COL27A1: variants seen among roughly 807,000 people sequenced by gnomAD.
COL27A1 encodes collagen alpha-1(XXVII) chain.
COL27A1 carries 106 observed loss-of-function variants against 251.3 expected under a neutral mutation model. The observed-to-expected ratio is 0.42, with a 90% confidence interval of 0.36 to 0.50. The LOEUF is 0.50. Among genes scored for constraint, COL27A1 ranks in the 20% least tolerant of loss-of-function variants. COL27A1 has a pLI of 0.00. For missense variants in COL27A1, 2,325 were observed against 2,522.8 expected (o/e 0.92, Z 1.68); for synonymous variants, 1,000 against 986.3 (o/e 1.01, Z -0.26).
At chr9:114,171,904 A>G (rs1312457500) in intron 3 of COL27A1, among the ~76,000 whole-genome samples, 1 of 152,172 alleles carries the variant, frequency 6.6e-6, no homozygotes, top group East Asian at 1.9e-4. Flanking sequence ...ATGATCCAAG[A>G]GGGGTTGGAA....
chr9:114,185,763 C>T (rs964231698), intron 5 of COL27A1, among the ~76,000 whole-genome samples: 13 of 152,248 alleles, frequency 8.5e-5, no homozygotes, highest in East Asian at 7.7e-4. Context: ...GCACCCACTA[C>T]GGGCTGTTGA....
At position 114,167,966 on chromosome 9, in the gene COL27A1, C is replaced by T; in HGVS notation, c.411C>T (p.Val137=). The T allele has an allele frequency of 6.2e-7, 1 of 1,607,066 alleles. No homozygotes were observed. The highest frequency in any genetic ancestry group is 8.5e-7 in the Non-Finnish European group (1 of 1,179,860). ...AGTTCCTCCCCGGCAAGACGGTCGT[C>T]CACCTCGGGTCCCGGCGCTCAGTGG... ...GLQFLPGKTV[V]HLGSRRSVAF... The change falls in exon 3 of 61, where the codon GTC becomes GTT. Residue 137 remains valine (V), a synonymous_variant. Coordinates refer to ENST00000356083, the MANE Select transcript of COL27A1 (RefSeq NM_032888.4).
chr9:114,309,100 G>A (rs1829263826), intron 59 of COL27A1, among the ~76,000 whole-genome samples, 160 bp from the exon 60 acceptor site: 1 of 152,146 alleles, frequency 6.6e-6, no homozygotes, highest in Non-Finnish European at 1.5e-5. Flanking sequence ...GCAGACCTCA[G>A]TTTCCCCGTC....
rs371824697 is a variant in COL27A1, at chr9:114,269,817, G to T, written c.3555+523G>T. On this transcript the variant is annotated intron_variant, in intron 35 of 60. Transcript: ENST00000356083. ...GGTTGATAAGTGATACCTGCCATGGGTACAAGAGGAGCATGGACCACCCAA... is the reference window on the plus strand; with the variant it reads ...GGTTGATAAGTGATACCTGCCATGGTTACAAGAGGAGCATGGACCACCCAA... Among the ~76,000 whole-genome samples the T allele has an allele frequency of 1.5e-4, 23 of 152,168 alleles. No individual in the cohort carries two copies. In the South Asian group the frequency reaches 3.1e-3, roughly 21 times the overall value.
intron 52 of COL27A1, 61 bp downstream of exon 52, chr9:114,301,186 G>C: frequency 6.2e-7 from 1 of 1,611,574 alleles, no homozygotes; most frequent in Non-Finnish European, 8.5e-7. Context: ...GCTCCAGATT[G>C]TCTCTGTGAC....
chr9:114,236,888 C>A, intron 17 of COL27A1, 93 bp from the exon 18 acceptor site: 1 of 1,213,266 alleles, frequency 8.2e-7, no homozygotes, highest in Non-Finnish European at 1.2e-6. Flanking sequence ...GGCGGGCGTT[C>A]TCTGGGCCTG....
At chr9:114,277,022 T>G (rs1230270195) in intron 37 of COL27A1, among the ~76,000 whole-genome samples, 1 of 152,178 alleles carries the variant, frequency 6.6e-6, no homozygotes, top group Non-Finnish European at 1.5e-5. Flanking sequence ...CCTGCATGAC[T>G]CTACGCATAC....
intron 12 of COL27A1, among the ~76,000 whole-genome samples, chr9:114,218,984 A>T (rs952337625): frequency 6.6e-6 from 1 of 152,214 alleles, no homozygotes; most frequent in Middle Eastern, 3.4e-3. Context: ...TTTCCCTGGA[A>T]AAACAATGAT....
intron 10 of COL27A1, among the ~76,000 whole-genome samples, chr9:114,208,650 G>C (rs1830140655): frequency 6.6e-6 from 1 of 152,020 alleles, no homozygotes; most frequent in South Asian, 2.1e-4. Context: ...AGAAGCCCCG[G>C]GCGAGGTTAC....
chr9:114,182,549 C>T (rs1437432007), intron 4 of COL27A1, among the ~76,000 whole-genome samples: 2 of 151,822 alleles, frequency 1.3e-5, no homozygotes, highest in Non-Finnish European at 2.9e-5. Flanking sequence ...GAGAAAGTAC[C>T]AGATACGTGG....
intron 4 of COL27A1, among the ~76,000 whole-genome samples, chr9:114,181,700 C>T (rs1321011816): frequency 6.6e-6 from 1 of 152,178 alleles, no homozygotes; most frequent in South Asian, 2.1e-4. Flanking sequence ...GGCCAGGGCC[C>T]TTGCTGGAGA....
chr9:114,266,688 C>A, intron 33 of COL27A1, 70 bp downstream of exon 33: 1 of 1,381,718 alleles, frequency 7.2e-7, no homozygotes, highest in Non-Finnish European at 1.0e-6. Flanking sequence ...CTTCCCTCCT[C>A]CCCAGGAGCC....
At chr9:114,166,444 TATCCATCCATCCATCCATCC>T (rs112047520) in intron 2 of COL27A1, among the ~76,000 whole-genome samples, 1 of 140,858 alleles carries the variant, frequency 7.1e-6, no homozygotes. Context: ...TCCATTCATC[TATCCATCCATCCATCCATCC>T]ATCCATCCAT....
chr9:114,187,977 C>T (rs1295419503), intron 5 of COL27A1, among the ~76,000 whole-genome samples: 1 of 152,202 alleles, frequency 6.6e-6, no homozygotes, highest in East Asian at 1.9e-4. Flanking sequence ...CCTGGCTCTA[C>T]TGATGCAGGG....
At chr9:114,202,711 A>G (rs1040307734) in intron 7 of COL27A1, among the ~76,000 whole-genome samples, 1 of 152,044 alleles carries the variant, frequency 6.6e-6, no homozygotes, top group Non-Finnish European at 1.5e-5. Context: ...ACTTGAGGGC[A>G]TTCTTGCCTC....
chr9:114,219,313 G>A (rs763957428), intron 12 of COL27A1, among the ~76,000 whole-genome samples: 14 of 152,180 alleles, frequency 9.2e-5, no homozygotes, highest in Non-Finnish European at 1.5e-4. Context: ...TCACAGCCTC[G>A]TTTCCTTTAT....
At chr9:114,241,657 A>C in intron 21 of COL27A1, among the ~76,000 whole-genome samples, 1 of 152,208 alleles carries the variant, frequency 6.6e-6, no homozygotes, top group East Asian at 1.9e-4. Context: ...TCACATCTTC[A>C]TTCATTCATT....
At chr9:114,171,469 C>CT (rs10708471) in intron 3 of COL27A1, among the ~76,000 whole-genome samples, 35 of 147,436 alleles carry the variant, frequency 2.4e-4, no homozygotes, top group Admixed American at 4.1e-4. Context: ...GAATCTTTTT[C>CT]TTTTTTTTTT....
chr9:114,202,633 C>A (rs111305482), intron 7 of COL27A1, among the ~76,000 whole-genome samples: 3 of 152,300 alleles, frequency 2.0e-5, no homozygotes, highest in African/African-American at 7.2e-5. Context: ...TCTCCAACCA[C>A]CGCCATCCTT....
Sources: gnomAD v4.1 joint callset for allele counts (sites outside exome capture counted in the v4.1 genomes callset) on GRCh38, gnomAD v4.1.1 for gene constraint, MANE v1.5 for transcripts, NCBI Gene and HGNC (gene_info 2026-07-23, HGNC 2026-07-21) for gene names.